The following KLHL4 variants were observed in gnomAD, a reference collection of about 807,000 sequenced individuals.
KLHL4 encodes the protein kelch-like protein 4.
A neutral mutation model predicts 45.8 loss-of-function variants in KLHL4; 17 were observed. The ratio of observed to expected loss-of-function variants is 0.37; its 90% CI spans 0.25 to 0.56. The LOEUF is 0.56. KLHL4 is among the 20% of genes least tolerant of loss of function. KLHL4 has a pLI of 0.79. For synonymous variants in KLHL4, 224 were observed against 189.9 expected (o/e 1.18, Z -1.47); for missense variants, 544 against 544.9 (o/e 1.00, Z 0.02).
chrX:87,615,271 A>T (rs1229889899), intron 3 of KLHL4, among the ~76,000 whole-genome samples: 2 of 111,269 alleles, frequency 1.8e-5, no homozygotes, highest in Non-Finnish European at 3.8e-5. Context: ...TTGTAATTTT[A>T]AATATTTGTA....
chrX:87,540,629 G>T (rs112304795), intron 1 of KLHL4, among the ~76,000 whole-genome samples: 4,301 of 111,099 alleles, frequency 0.039, 85 homozygotes, highest in Non-Finnish European at 0.059. Context: ...TACACATGGA[G>T]CTGTATCTCT....
intron 1 of KLHL4, among the ~76,000 whole-genome samples, chrX:87,610,405 G>A (rs1018774691): frequency 4.5e-5 from 5 of 111,830 alleles, no homozygotes; most frequent in African/African-American, 1.6e-4. Context: ...CACACATTCA[G>A]CAGAAACAAT....
intron 1 of KLHL4, among the ~76,000 whole-genome samples, chrX:87,548,857 A>AAAAG (rs1556021854): frequency 9.1e-6 from 1 of 109,313 alleles, no homozygotes; most frequent in Non-Finnish European, 1.9e-5. Flanking sequence ...AAAAAAAAAA[A>AAAAG]AGAGAGAAGA....
At chrX:87,539,294 G>GT (rs1228374331) in intron 1 of KLHL4, among the ~76,000 whole-genome samples, 96 of 109,769 alleles carry the variant, frequency 8.7e-4, no homozygotes, top group African/African-American at 2.9e-3. Context: ...ACATAAAACT[G>GT]TTTTTTTTCC....
intron 6 of KLHL4, among the ~76,000 whole-genome samples, chrX:87,631,251 C>T (rs1316952424): frequency 9.0e-6 from 1 of 111,697 alleles, no homozygotes; most frequent in Non-Finnish European, 1.9e-5. Flanking sequence ...GAAATGCCTG[C>T]CCCCAAGGTA....
chrX:87,639,690 C>A (rs771097605), intron 9 of KLHL4, among the ~76,000 whole-genome samples: 367 of 110,302 alleles, frequency 3.3e-3, no homozygotes, highest in African/African-American at 0.011. Context: ...CTCTCCAAAC[C>A]TCTAGGAAAC....
intron 1 of KLHL4, among the ~76,000 whole-genome samples, chrX:87,562,205 T>C (rs780755190): frequency 9.1e-6 from 1 of 109,900 alleles, no homozygotes; most frequent in Non-Finnish European, 1.9e-5. Flanking sequence ...GTAGTAGCCA[T>C]TGGGAGAGAT....
At chrX:87,545,140 T>G (rs1931645889) in intron 1 of KLHL4, among the ~76,000 whole-genome samples, 1 of 112,680 alleles carries the variant, frequency 8.9e-6, no homozygotes, top group Non-Finnish European at 1.9e-5. Context: ...ATTATGCAGC[T>G]GAAAATGCAA....
At chrX:87,546,357 C>A (rs1383787377) in intron 1 of KLHL4, among the ~76,000 whole-genome samples, 2 of 111,898 alleles carry the variant, frequency 1.8e-5, no homozygotes, top group Non-Finnish European at 3.8e-5. Context: ...AGGGTGTAAG[C>A]CCCAAGCCTT....
chrX:87,650,854 G>A (rs746467955), intron 9 of KLHL4, among the ~76,000 whole-genome samples: 2 of 111,690 alleles, frequency 1.8e-5, no homozygotes, highest in South Asian at 3.8e-4. Context: ...AAGCCAAAAG[G>A]CACTTCTTAC....
intron 9 of KLHL4, among the ~76,000 whole-genome samples, chrX:87,641,077 A>G (rs1434175081): frequency 3.6e-5 from 4 of 112,174 alleles, no homozygotes; most frequent in Admixed American, 9.4e-5. Context: ...AGCTACAGAC[A>G]GAGCAGCATG....
At chrX:87,539,884 A>G (rs1035749089) in intron 1 of KLHL4, among the ~76,000 whole-genome samples, 1 of 111,008 alleles carries the variant, frequency 9.0e-6, no homozygotes, top group Non-Finnish European at 1.9e-5. Flanking sequence ...TTAGAAATGT[A>G]TTGTTAGGCA....
At chrX:87,545,977 G>A (rs1367042268) in intron 1 of KLHL4, among the ~76,000 whole-genome samples, 1 of 111,600 alleles carries the variant, frequency 9.0e-6, no homozygotes, top group African/African-American at 3.3e-5. Flanking sequence ...ATCTGAAATC[G>A]GAACTTATGT....
intron 1 of KLHL4, among the ~76,000 whole-genome samples, chrX:87,538,009 G>A (rs1208938609): frequency 9.0e-6 from 1 of 111,675 alleles, no homozygotes; most frequent in Non-Finnish European, 1.9e-5. Context: ...TAAAAAGGTT[G>A]AGAGTCTCAC....
intron 1 of KLHL4, among the ~76,000 whole-genome samples, chrX:87,565,167 A>T (rs1175080186): frequency 3.6e-5 from 4 of 111,999 alleles, no homozygotes; most frequent in Non-Finnish European, 7.5e-5. Flanking sequence ...GAAAGCAGTG[A>T]TTAGATACGA....
chrX:87,666,449 G>C, intron 10 of KLHL4, 26 bp from the exon 11 acceptor site: 1 of 1,159,992 alleles, frequency 8.6e-7, no homozygotes, highest in East Asian at 3.0e-5. Context: ...TTCCAACAGT[G>C]TTTTGTTTCT....
At chrX:87,546,556 C>T (rs1476153048) in intron 1 of KLHL4, among the ~76,000 whole-genome samples, 1 of 112,298 alleles carries the variant, frequency 8.9e-6, no homozygotes, top group Non-Finnish European at 1.9e-5. Flanking sequence ...GGGGTTGGAG[C>T]CCTCACACAG....
At chrX:87,649,800 T>C (rs769670177) in intron 9 of KLHL4, among the ~76,000 whole-genome samples, 4 of 111,402 alleles carry the variant, frequency 3.6e-5, no homozygotes, top group Non-Finnish European at 5.6e-5. Context: ...CTCAGCACCA[T>C]TGTCAAAATT....
At chrX:87,520,280 G>A (rs926424484) in intron 1 of KLHL4, among the ~76,000 whole-genome samples, 3 of 112,402 alleles carry the variant, frequency 2.7e-5, no homozygotes, top group African/African-American at 9.7e-5. Context: ...TGAGGAGCAG[G>A]AAGAAAAGAT....
Sources: allele counts gnomAD v4.1 joint callset (sites outside exome capture counted in the v4.1 genomes callset), GRCh38; gene constraint gnomAD v4.1.1; transcripts MANE v1.5; gene names NCBI Gene and HGNC (gene_info 2026-07-23, HGNC 2026-07-21).